The following PLCL1 variants were observed in gnomAD, a reference collection of about 807,000 sequenced individuals.
PLCL1 encodes the protein phospholipase C like 1 (inactive).
Under a neutral mutation model 84.4 loss-of-function variants are expected in PLCL1, and 41 were observed. The observed-to-expected ratio is 0.49, with a 90% CI of 0.38 to 0.63. The LOEUF (loss-of-function observed/expected upper bound fraction) is 0.63. Among genes scored for constraint, PLCL1 ranks in the 30% least tolerant of loss-of-function variants. PLCL1 has a pLI of 0.00. For synonymous variants in PLCL1, 490 were observed against 488.3 expected (o/e 1.00, Z -0.05); for missense variants, 1,206 against 1,367.8 (o/e 0.88, Z 1.87).
chr2:198,023,322 T>C (rs535983991), intron 1 of PLCL1, among the ~76,000 whole-genome samples: 188 of 152,300 alleles, frequency 1.2e-3, no homozygotes, highest in Non-Finnish European at 2.0e-3. Context: ...GCAATACCAT[T>C]CAGGACATAA....
intron 1 of PLCL1, among the ~76,000 whole-genome samples, chr2:198,045,899 C>T (rs964622307): frequency 1.3e-5 from 2 of 152,122 alleles, no homozygotes; most frequent in Non-Finnish European, 2.9e-5. Flanking sequence ...ACACATGTAC[C>T]ATTTTATTTG....
chr2:198,053,867 A>T (rs11903129), intron 1 of PLCL1, among the ~76,000 whole-genome samples: 109,990 of 152,130 alleles, frequency 0.72, 40,640 homozygotes, highest in African/African-American at 0.87. Context: ...GTGTAGAACC[A>T]ATGGGTTTTG....
intron 3 of PLCL1, among the ~76,000 whole-genome samples, chr2:198,090,611 C>T (rs1693002616): frequency 1.3e-5 from 2 of 152,098 alleles, no homozygotes; most frequent in Admixed American, 6.6e-5. Context: ...TTCATGGTTG[C>T]TAGGGGGAAA....
intron 1 of PLCL1, among the ~76,000 whole-genome samples, chr2:198,010,112 C>T (rs919581437): frequency 2.0e-5 from 3 of 151,926 alleles, no homozygotes; most frequent in African/African-American, 7.2e-5. Flanking sequence ...CATTTGTGAG[C>T]AGAGACAATT....
In PLCL1 at chr2:197,939,759, A is replaced by G. The variant is rs145561882; in HGVS notation, c.240+134420A>G. Among the ~76,000 whole-genome samples the G allele has an allele frequency of 1.9e-3, 280 of 149,336 alleles. 1 individual carries two copies. The highest frequency in any genetic ancestry group is 4.2e-3 in the African/African-American group (167 of 40,204). ...TTTTTGGCAGAGGAGGGGACACACA[A>G]TTCAACTTATAACAGGATTAAAGCA... On this transcript the variant is annotated intron_variant, in intron 1 of 5. Coordinates refer to ENST00000428675, the MANE Select transcript of PLCL1 (RefSeq NM_006226.4).
At chr2:197,816,758 T>C (rs1690698221) in intron 1 of PLCL1, among the ~76,000 whole-genome samples, 1 of 152,182 alleles carries the variant, frequency 6.6e-6, no homozygotes, top group African/African-American at 2.4e-5. Flanking sequence ...GGAGAGATGA[T>C]GCTATATGGT....
intron 2 of PLCL1, 21 bp downstream of exon 2, chr2:198,086,253 C>G: frequency 1.4e-6 from 2 of 1,471,648 alleles, no homozygotes; most frequent in Non-Finnish European, 1.9e-6. Context: ...CACTCACACT[C>G]TCCTTCCCTA....
chr2:198,141,716 G>A (rs1694392247), intron 5 of PLCL1, among the ~76,000 whole-genome samples: 1 of 152,128 alleles, frequency 6.6e-6, no homozygotes, highest in South Asian at 2.1e-4. Context: ...CCACTATGAT[G>A]TCTGTGACTG....
chr2:198,075,009 G>C (rs1279285825), intron 1 of PLCL1, among the ~76,000 whole-genome samples: 2 of 152,206 alleles, frequency 1.3e-5, no homozygotes. Flanking sequence ...AGAAGTATTA[G>C]CCATGTAGGT....
chr2:197,812,617 G>C (rs1327191463), intron 1 of PLCL1, among the ~76,000 whole-genome samples: 1 of 152,182 alleles, frequency 6.6e-6, no homozygotes, highest in Non-Finnish European at 1.5e-5. Context: ...AAGATGCTAA[G>C]TATGTACTAA....
chr2:197,853,304 T>G (rs1346188968), intron 1 of PLCL1, among the ~76,000 whole-genome samples: 1 of 152,222 alleles, frequency 6.6e-6, no homozygotes, highest in Non-Finnish European at 1.5e-5. Context: ...CTTTTAGCTA[T>G]TGAGAATAAT....
At chr2:197,851,165 A>G (rs1005060134) in intron 1 of PLCL1, among the ~76,000 whole-genome samples, 4 of 152,184 alleles carry the variant, frequency 2.6e-5, no homozygotes, top group Non-Finnish European at 5.9e-5. Context: ...ATTTTCTGTC[A>G]GTTTAATTCA....
intron 1 of PLCL1, among the ~76,000 whole-genome samples, chr2:198,082,096 C>A (rs1692727870): frequency 1.3e-5 from 2 of 152,196 alleles, no homozygotes; most frequent in Non-Finnish European, 2.9e-5. Context: ...GTGTAAAAGG[C>A]AATGCTCCTC....
intron 1 of PLCL1, among the ~76,000 whole-genome samples, chr2:198,029,154 A>G (rs977014305): frequency 6.6e-6 from 1 of 152,170 alleles, no homozygotes; most frequent in African/African-American, 2.4e-5. Context: ...TCATCTTCCT[A>G]AAGACTTTCT....
rs140286519 is a variant in PLCL1 at position 198,101,171 on chromosome 2, G to C, written c.2920-114G>C. 478 of 704,630 alleles carry C rather than the reference G, an allele frequency of 6.8e-4. 5 individuals are homozygous for C. In the African/African-American group the frequency reaches 6.9e-3, roughly 10 times the overall value. The allele number at this position is 704,630 out of a possible 1,614,324, so 43.6% of individuals were successfully genotyped here. Reference sequence around the variant, plus strand: ...TTCTCCCTCCCATCTGTTGTGGTGAGACTATGGCTTACTTTTACTGGAGGT... The same window carrying C: ...TTCTCCCTCCCATCTGTTGTGGTGACACTATGGCTTACTTTTACTGGAGGT... On this transcript the variant is annotated intron_variant, in intron 3 of 5. Transcript: ENST00000428675.
At chr2:198,123,830 G>A (rs1022166703) in intron 5 of PLCL1, among the ~76,000 whole-genome samples, 1 of 151,994 alleles carries the variant, frequency 6.6e-6, no homozygotes. Context: ...TGCTCCTTAT[G>A]AGAACCTAAC....
intron 1 of PLCL1, among the ~76,000 whole-genome samples, chr2:197,932,278 G>C (rs1410688257): frequency 1.3e-5 from 2 of 152,162 alleles, no homozygotes; most frequent in Admixed American, 1.3e-4. Context: ...AGGAATTGCT[G>C]TCTAGGACCT....
At chr2:197,815,622 A>T (rs1314745168) in intron 1 of PLCL1, among the ~76,000 whole-genome samples, 1 of 152,154 alleles carries the variant, frequency 6.6e-6, no homozygotes, top group Non-Finnish European at 1.5e-5. Flanking sequence ...TGTAAATTGA[A>T]ACCTGGAAAG....
At chr2:198,112,889 G>T (rs534042707) in intron 5 of PLCL1, among the ~76,000 whole-genome samples, 1 of 151,954 alleles carries the variant, frequency 6.6e-6, no homozygotes, top group East Asian at 1.9e-4. Context: ...CTTTACAATG[G>T]ATATCATTGA....
Sources: allele counts gnomAD v4.1 joint callset (sites outside exome capture counted in the v4.1 genomes callset), GRCh38; gene constraint gnomAD v4.1.1; transcripts MANE v1.5; gene names NCBI Gene and HGNC (gene_info 2026-07-23, HGNC 2026-07-21).